Variants in ART3 observed in about 807,000 individuals in gnomAD.
ART3 encodes ecto-ADP-ribosyltransferase 3.
Under a neutral mutation model 48.5 loss-of-function variants are expected in ART3, and 49 were observed. The ratio of observed to expected loss-of-function variants is 1.01; its 90% CI spans 0.80 to 1.28. ART3 has a LOEUF of 1.28. ART3 is among the 50% of genes most tolerant of loss of function. The pLI is 0.00. For missense variants in ART3, 438 were observed against 454.3 expected, an observed-to-expected ratio of 0.96 and a Z score of 0.33; for synonymous variants, 145 against 157.2, an observed-to-expected ratio of 0.92 and a Z score of 0.58.
intron 1 of ART3, among the ~76,000 whole-genome samples, chr4:76,042,857 G>A (rs1396616247): frequency 2.0e-5 from 3 of 151,106 alleles, no homozygotes; most frequent in Non-Finnish European, 4.4e-5. Flanking sequence ...CTGCTGGCTC[G>A]GGCAGCCTGC....
chr4:76,025,096 A>G (rs541060265), intron 1 of ART3, among the ~76,000 whole-genome samples: 1 of 152,342 alleles, frequency 6.6e-6, no homozygotes, highest in African/African-American at 2.4e-5. Context: ...CGGAAAGGCA[A>G]AAGAGAGGGA....
chr4:76,022,677 G>A lies in ART3; in HGVS notation c.-10+11357G>A, dbSNP rs750468593. 2.5e-6 allele frequency: 4 copies of A among 1,612,232 alleles called. No individual in the cohort carries two copies. The African/African-American group carries it at 4.0e-5, about 16-fold the overall frequency. ...ACAACCAGGGAAGTGATAATCAGAT[G>A]GGATTTCACTCACATGATCTCAACA... On this transcript the variant is annotated intron_variant, in intron 1 of 9. Coordinates refer to the ART3 transcript ENST00000341029.
intron 2 of ART3, among the ~76,000 whole-genome samples, chr4:76,079,060 G>A (rs1008886277): frequency 2.0e-5 from 3 of 151,878 alleles, no homozygotes; most frequent in Non-Finnish European, 2.9e-5. Flanking sequence ...CAGCCTGGGC[G>A]GCAGAGCGAG....
intron 1 of ART3, among the ~76,000 whole-genome samples, chr4:76,032,982 A>G (rs900303534): frequency 1.3e-5 from 2 of 151,928 alleles, no homozygotes; most frequent in Non-Finnish European, 2.9e-5. Flanking sequence ...TTATAAATCT[A>G]TATTGTATCT....
intron 1 of ART3, chr4:76,023,493 GTC>G: frequency 6.8e-7 from 1 of 1,475,112 alleles, no homozygotes; most frequent in Non-Finnish European, 9.5e-7. Flanking sequence ...ATTGAGGAAT[GTC>G]TCAGAAAACG....
At chr4:76,017,124 G>T in intron 1 of ART3, among the ~76,000 whole-genome samples, 1 of 152,052 alleles carries the variant, frequency 6.6e-6, no homozygotes. Context: ...TTTTCCTTCT[G>T]CTTTTCTCAA....
chr4:76,095,674 A>G (rs1014122206), intron 3 of ART3, among the ~76,000 whole-genome samples: 1 of 152,200 alleles, frequency 6.6e-6, no homozygotes, highest in East Asian at 1.9e-4. Flanking sequence ...ATGGTCCTGG[A>G]ATTTGCCTTT....
intron 11 of ART3, among the ~76,000 whole-genome samples, chr4:76,109,653 G>A (rs941870878): frequency 6.6e-6 from 1 of 152,094 alleles, no homozygotes; most frequent in Non-Finnish European, 1.5e-5. Context: ...CCCCAAACAC[G>A]TAATATGTTA....
intron 1 of ART3, among the ~76,000 whole-genome samples, chr4:76,016,375 A>T (rs1732256143): frequency 6.6e-6 from 1 of 152,216 alleles, no homozygotes; most frequent in Admixed American, 6.5e-5. Context: ...TCTCTGGATT[A>T]CCAGGCCGAC....
chr4:76,058,525 T>G (rs1246383358), intron 1 of ART3: 1 of 152,204 alleles, frequency 6.6e-6, no homozygotes, highest in Non-Finnish European at 1.5e-5. Context: ...AGCTTCATAA[T>G]TCTAGGAATC....
intron 1 of ART3, chr4:76,035,974 C>T (rs763762627): frequency 6.2e-7 from 1 of 1,613,710 alleles, no homozygotes; most frequent in Non-Finnish European, 8.5e-7. Context: ...TATAGCCATG[C>T]CCTTCACACT....
chr4:76,090,036 C>T (rs1050431347), intron 3 of ART3, among the ~76,000 whole-genome samples: 12 of 152,190 alleles, frequency 7.9e-5, no homozygotes, highest in African/African-American at 1.7e-4. Flanking sequence ...GCTGAGATTG[C>T]GCCATTGCAC....
intron 6 of ART3, 33 bp downstream of exon 6, chr4:76,100,353 C>T: frequency 3.1e-6 from 5 of 1,589,680 alleles, no homozygotes; most frequent in Non-Finnish European, 4.3e-6. Flanking sequence ...GGGGGCTTGG[C>T]CAGGCGTGGT....
At chr4:76,072,463 A>G (rs970264246), upstream of ART3, among the ~76,000 whole-genome samples, 1 of 152,070 alleles carries the variant, frequency 6.6e-6, no homozygotes, top group Admixed American at 6.5e-5. Context: ...AACAGCAACA[A>G]CACACATACA....
chr4:76,097,662 G>A lies in ART3; in HGVS notation c.800G>A (p.Cys267Tyr). ...AFLGGLKTENCIENLEYFQPI... is the reference protein window; with the variant it reads ...AFLGGLKTENYIENLEYFQPI... ...GTTTCAGGACTAAAAACCGAAAACT[G>A]TATTGAGAACCTAGGTAAGATAGCT... The change falls in exon 4 of 12, where the codon TGT (cysteine) becomes TAT (tyrosine). Residue 267 changes from cysteine (C) to tyrosine (Y), a missense_variant. By Grantham distance (194) the Cys-to-Tyr change is radical. Around this residue, in one of 3 missense-constraint regions of ART3, gnomAD observed 227 missense variants for 229.6 expected, o/e 0.99. Transcript: ENST00000355810. The A allele has an allele frequency of 6.2e-7, 1 of 1,608,124 alleles. No individual in the cohort carries two copies. Among genetic ancestry groups the A allele is most frequent in the South Asian group, 1.1e-5 (1 of 90,818 alleles).
intron 1 of ART3, chr4:76,022,645 T>C (rs760221826): frequency 2.5e-6 from 4 of 1,591,584 alleles, no homozygotes; most frequent in Non-Finnish European, 2.6e-6. Context: ...TAATACAGTA[T>C]ATAATTACAA....
chr4:76,022,071 A>C, intron 1 of ART3: 1 of 961,142 alleles, frequency 1.0e-6, no homozygotes, highest in Non-Finnish European at 1.7e-6. Flanking sequence ...CTATGCATTC[A>C]TTATGGATTA....
chr4:76,095,234 A>G (rs1446496130), intron 3 of ART3, among the ~76,000 whole-genome samples: 1 of 152,246 alleles, frequency 6.6e-6, no homozygotes, highest in Non-Finnish European at 1.5e-5. Context: ...AGAGGCCAGT[A>G]CAGTGGCTCA....
chr4:76,046,775 G>C (rs752783873), intron 1 of ART3, among the ~76,000 whole-genome samples: 39 of 152,082 alleles, frequency 2.6e-4, no homozygotes, highest in Non-Finnish European at 4.7e-4. Context: ...AACAAAAAAG[G>C]CATGTGAAAA....
Sources: allele counts gnomAD v4.1 joint callset (sites outside exome capture counted in the v4.1 genomes callset), GRCh38; gene constraint gnomAD v4.1.1; regional missense constraint gnomAD v4.1.1; transcripts MANE v1.5; gene names NCBI Gene and HGNC (gene_info 2026-07-23, HGNC 2026-07-21).